The following MDGA2 variants were observed in gnomAD, a reference collection of about 807,000 sequenced individuals.
MDGA2 encodes MAM domain-containing glycosylphosphatidylinositol anchor protein 2.
A neutral mutation model predicts 117.8 loss-of-function variants in MDGA2; 40 were observed. The ratio of observed to expected loss-of-function variants is 0.34; its 90% CI spans 0.26 to 0.44. MDGA2 has a LOEUF of 0.44. MDGA2 is among the 20% of genes least tolerant of loss of function. MDGA2 has a pLI of 1.00. For synonymous variants in MDGA2, 452 were observed against 439.0 expected, an observed-to-expected ratio of 1.03 and a Z score of -0.37; for missense variants, 1,123 against 1,250.6, an observed-to-expected ratio of 0.90 and a Z score of 1.54.
intron 1 of MDGA2, among the ~76,000 whole-genome samples, chr14:47,565,946 G>A (rs536593345): frequency 6.6e-6 from 1 of 152,352 alleles, no homozygotes; most frequent in Admixed American, 6.5e-5. Context: ...TGGGGGTGGT[G>A]TTGCTGGTGT....
At chr14:47,444,139 T>G (rs533410234) in intron 1 of MDGA2, 1 of 215,378 alleles carries the variant, frequency 4.6e-6, no homozygotes, top group African/African-American at 2.3e-5. Flanking sequence ...TTCCCTACTG[T>G]GCACTTTCAT....
chr14:47,659,634 A>G (rs1319879152), intron 1 of MDGA2, among the ~76,000 whole-genome samples: 1 of 152,224 alleles, frequency 6.6e-6, no homozygotes, highest in Non-Finnish European at 1.5e-5. Context: ...TCTTAGGTGT[A>G]TAAGTGTATA....
At chr14:47,629,532 G>A (rs1269646938) in intron 1 of MDGA2, among the ~76,000 whole-genome samples, 1 of 152,134 alleles carries the variant, frequency 6.6e-6, no homozygotes, top group Non-Finnish European at 1.5e-5. Context: ...CCATATAAAG[G>A]CATTGGTTCA....
intron 3 of MDGA2, among the ~76,000 whole-genome samples, chr14:47,185,669 C>G (rs1473090926): frequency 1.3e-5 from 2 of 151,574 alleles, no homozygotes; most frequent in African/African-American, 4.8e-5. Flanking sequence ...ATGCGGCTAA[C>G]ATAATCTTAA....
At chr14:47,200,072 G>A (rs1885433574) in intron 3 of MDGA2, among the ~76,000 whole-genome samples, 1 of 151,796 alleles carries the variant, frequency 6.6e-6, no homozygotes, top group South Asian at 2.1e-4. Context: ...AGAAAAAATG[G>A]AAAAAGAAAA....
chr14:47,286,685 C>T (rs1303447840), intron 2 of MDGA2, among the ~76,000 whole-genome samples: 2 of 151,410 alleles, frequency 1.3e-5, no homozygotes, highest in Non-Finnish European at 1.5e-5. Flanking sequence ...AATGGTGCTG[C>T]AATAGATCCC....
chr14:47,108,686 C>G (rs1041555980), intron 5 of MDGA2, among the ~76,000 whole-genome samples: 1 of 152,156 alleles, frequency 6.6e-6, no homozygotes, highest in Admixed American at 6.5e-5. Context: ...GGACTCAGCC[C>G]GCCTGCACCC....
At chr14:47,188,757 T>C (rs1379561416) in intron 3 of MDGA2, among the ~76,000 whole-genome samples, 2 of 152,090 alleles carry the variant, frequency 1.3e-5, no homozygotes, top group African/African-American at 4.8e-5. Context: ...TCTTGACATA[T>C]TCAAAAAGAT....
intron 3 of MDGA2, among the ~76,000 whole-genome samples, chr14:47,160,850 T>G (rs191759630): frequency 6.6e-6 from 1 of 152,160 alleles, no homozygotes; most frequent in Non-Finnish European, 1.5e-5. Flanking sequence ...AATACTAACT[T>G]TAAAAGCAAA....
At chr14:47,348,204 A>G (rs1448845482) in intron 1 of MDGA2, among the ~76,000 whole-genome samples, 2 of 148,744 alleles carry the variant, frequency 1.3e-5, no homozygotes, top group African/African-American at 2.5e-5. Flanking sequence ...TGCTTAAAAT[A>G]GGAAAATCCT....
At chr14:46,974,612 T>A (rs1294710204) in intron 8 of MDGA2, among the ~76,000 whole-genome samples, 1 of 152,118 alleles carries the variant, frequency 6.6e-6, no homozygotes, top group African/African-American at 2.4e-5. Context: ...AGAGGCAAGG[T>A]CATTCAATGG....
intron 5 of MDGA2, among the ~76,000 whole-genome samples, chr14:47,116,152 A>G (rs1404319612): frequency 6.6e-6 from 1 of 152,190 alleles, no homozygotes; most frequent in Admixed American, 6.5e-5. Flanking sequence ...TTGAAAAACA[A>G]TCACATTTAC....
chr14:47,432,796 C>G (rs1441958709), intron 1 of MDGA2, among the ~76,000 whole-genome samples: 2 of 152,120 alleles, frequency 1.3e-5, no homozygotes, highest in African/African-American at 4.8e-5. Flanking sequence ...TTTGGAAACT[C>G]TAGTTTGAAA....
At chr14:47,040,716 T>C (rs1889033899) in intron 7 of MDGA2, among the ~76,000 whole-genome samples, 1 of 152,214 alleles carries the variant, frequency 6.6e-6, no homozygotes, top group Non-Finnish European at 1.5e-5. Context: ...ATTCCCTTTG[T>C]AAATCCAGGC....
intron 1 of MDGA2, among the ~76,000 whole-genome samples, chr14:47,591,483 G>T (rs1344615453): frequency 6.6e-6 from 1 of 151,962 alleles, no homozygotes; most frequent in African/African-American, 2.4e-5. Context: ...ACCTGGCAGA[G>T]ATACAACAAA....
At chr14:47,581,512 A>C (rs1323473287) in intron 1 of MDGA2, among the ~76,000 whole-genome samples, 1 of 151,982 alleles carries the variant, frequency 6.6e-6, no homozygotes, top group Non-Finnish European at 1.5e-5. Flanking sequence ...AGAACATAGA[A>C]AGTTCTACCG....
At chr14:47,012,499 AG>A (rs1449635515) in intron 8 of MDGA2, among the ~76,000 whole-genome samples, 1 of 152,176 alleles carries the variant, frequency 6.6e-6, no homozygotes, top group Non-Finnish European at 1.5e-5. Flanking sequence ...CTTAGTTCCT[AG>A]GTTAGGAAAG....
In MDGA2 at chr14:47,335,745, T is replaced by TATATATATACATAC; in HGVS notation, c.281-34196_281-34195insGTATGTATATATAT. On this transcript the variant is annotated intron_variant, in intron 1 of 16. Transcript: ENST00000399232. ...TGCACACATATATTTTATATATATA[T>TATATATATACATAC]ATACATACATACATACAGGATCACT... is the stretch of plus-strand genomic sequence containing the variant. Among the ~76,000 whole-genome samples the TATATATATACATAC allele has an allele frequency of 2.4e-4, 23 of 95,584 alleles. 2 individuals are homozygous for TATATATATACATAC. The highest frequency in any genetic ancestry group is 9.8e-4 in the African/African-American group (23 of 23,524). The allele number at this position is 95,584 out of a possible 152,430, so 62.7% of individuals were successfully genotyped here. A position where few individuals can be genotyped will look rare whatever the true frequency, so the allele number is the denominator to read the frequency against.
intron 1 of MDGA2, among the ~76,000 whole-genome samples, chr14:47,561,657 T>A (rs898149967): frequency 1.3e-5 from 2 of 152,140 alleles, no homozygotes; most frequent in African/African-American, 4.8e-5. Context: ...AGGTGTTGAA[T>A]CATATAGTCT....
Sources: allele counts gnomAD v4.1 joint callset (sites outside exome capture counted in the v4.1 genomes callset), GRCh38; gene constraint gnomAD v4.1.1; transcripts MANE v1.5; gene names NCBI Gene and HGNC (gene_info 2026-07-23, HGNC 2026-07-21).